WDR27: variants seen among roughly 807,000 people sequenced by gnomAD.
The protein encoded by WDR27 is WD repeat-containing protein 27.
Under a neutral mutation model 114.4 loss-of-function variants are expected in WDR27, and 100 were observed. The observed-to-expected ratio is 0.87, with a 90% CI of 0.74 to 1.03. WDR27 has a LOEUF of 1.03. Ranked by LOEUF, WDR27 falls within the 50% of genes least tolerant of loss-of-function variation. The pLI is 0.00. For missense variants in WDR27, 1,129 were observed against 1,092.9 expected (o/e 1.03, Z -0.47); for synonymous variants, 449 against 423.1 (o/e 1.06, Z -0.75).
At chr6:169,458,211 T>C (rs73789954) in intron 25 of WDR27, among the ~76,000 whole-genome samples, 4,662 of 152,214 alleles carry the variant, frequency 0.031, 214 homozygotes, top group African/African-American at 0.1. Context: ...GACCCCACCC[T>C]CATGCACACC....
At chr6:169,622,377 G>C (rs1813580122) in intron 21 of WDR27, among the ~76,000 whole-genome samples, 1 of 152,002 alleles carries the variant, frequency 6.6e-6, no homozygotes, top group African/African-American at 2.4e-5. Flanking sequence ...ACCTGCCTCA[G>C]ATGTTCAGGG....
At chr6:169,497,826 T>C (rs1356706668) in intron 25 of WDR27, among the ~76,000 whole-genome samples, 2 of 152,154 alleles carry the variant, frequency 1.3e-5, no homozygotes, top group African/African-American at 4.8e-5. Context: ...ACAGCTGCTG[T>C]GGAAAACAGC....
Position 169,690,725 on chromosome 6 carries a change from G to T in WDR27, c.-7-1713C>A, listed in dbSNP as rs541286239. On this transcript the variant is annotated intron_variant, in intron 1 of 25. Coordinates refer to ENST00000448612, the MANE Select transcript of WDR27 (RefSeq NM_182552.5). ...GAGCACTGTAGGGTGCTACTCATCA[G>T]CAGGACCTTCCGCTGCCTGCCTCCC... 3.4e-4 allele frequency among the ~76,000 whole-genome samples: 52 copies of T among 152,350 alleles called. No homozygotes were observed. The South Asian group carries it at 0.01, about 30-fold the overall frequency.
At chr6:169,646,744 T>C (rs1820843127) in intron 16 of WDR27, among the ~76,000 whole-genome samples, 1 of 137,908 alleles carries the variant, frequency 7.3e-6, no homozygotes, top group Admixed American at 8.0e-5. Context: ...TGAGTCTCTG[T>C]CTCAAAAAAA....
intron 25 of WDR27, among the ~76,000 whole-genome samples, chr6:169,536,513 T>TAG (rs1479548344): frequency 6.6e-6 from 1 of 152,214 alleles, no homozygotes; most frequent in Non-Finnish European, 1.5e-5. Flanking sequence ...AAACTGGTCT[T>TAG]ATTCTGACAC....
At chr6:169,427,994 G>A in the WDR27 span, among the ~76,000 whole-genome samples, 1 of 152,134 alleles carries the variant, frequency 6.6e-6, no homozygotes, top group Non-Finnish European at 1.5e-5. Flanking sequence ...AGGGGTCCCG[G>A]AGAAAGCAGA....
At chr6:169,443,942 A>G in the WDR27 span, among the ~76,000 whole-genome samples, 2 of 152,164 alleles carry the variant, frequency 1.3e-5, no homozygotes, top group African/African-American at 4.8e-5. Context: ...CGATTTCATT[A>G]TTTATAAAAG....
chr6:169,582,350 A>G lies in WDR27; in HGVS notation c.2523+486T>C, dbSNP rs148271959. On this transcript the variant is annotated intron_variant, in intron 24 of 25. Coordinates refer to ENST00000448612, the MANE Select transcript of WDR27 (RefSeq NM_182552.5). ...TAGAAGACCATTCATTTTTATATAC[A>G]ATTGATTTGCAACGGTTATTTTCAT... Among the ~76,000 whole-genome samples, 10 of 152,312 alleles carry G rather than the reference A, an allele frequency of 6.6e-5. No individual in the cohort carries two copies. The East Asian group carries it at 1.7e-3, about 27-fold the overall frequency.
At position 169,619,292 on chromosome 6, in the gene WDR27, A is replaced by C. The variant is rs574823697; in HGVS notation, c.2224-5636T>G. ...CAGGAACAAAGCGAGGCACATCTACACAACAATGGCTCTTCACAAGGCCAA... is the reference window on the plus strand; with the variant it reads ...CAGGAACAAAGCGAGGCACATCTACCCAACAATGGCTCTTCACAAGGCCAA... On this transcript the variant is annotated intron_variant, in intron 21 of 25. Transcript: ENST00000448612. Among the ~76,000 whole-genome samples the C allele has an allele frequency of 3.9e-5, 6 of 152,340 alleles. No homozygotes were observed. In the South Asian group the frequency reaches 1.0e-3, roughly 26 times the overall value.
chr6:169,558,314 C>T (rs903597434), intron 25 of WDR27: 1 of 152,068 alleles, frequency 6.6e-6, no homozygotes, highest in African/African-American at 2.4e-5. Flanking sequence ...TTGAACAGGG[C>T]ATGCTCAAGA....
intron 13 of WDR27, among the ~76,000 whole-genome samples, chr6:169,654,124 T>A (rs554446677): frequency 6.6e-6 from 1 of 152,122 alleles, no homozygotes; most frequent in African/African-American, 2.4e-5. Context: ...CTAATGAAAA[T>A]TGATGCAAAA....
Position 169,481,556 on chromosome 6 carries a change from C to T in WDR27, c.2646-23922G>A, listed in dbSNP as rs144237011. Among the ~76,000 whole-genome samples the T allele has an allele frequency of 4.9e-3, 748 of 152,322 alleles. 7 individuals are homozygous for T. The highest frequency in any genetic ancestry group is 0.03 in the East Asian group (153 of 5,174). On this transcript the variant is annotated intron_variant, in intron 25 of 25. Coordinates refer to ENST00000448612, the MANE Select transcript of WDR27 (RefSeq NM_182552.5). ...CGCCTTTATGAGCTGTAGCACTCAC[C>T]GCAAAAGTCTGCAGCTTCACTCCTG...
intron 2 of WDR27, among the ~76,000 whole-genome samples, chr6:169,678,559 T>C (rs942654435): frequency 1.7e-4 from 26 of 152,214 alleles, no homozygotes; most frequent in African/African-American, 6.0e-4. Flanking sequence ...CTTGGGACTT[T>C]TGATTGAGTT....
the WDR27 span, among the ~76,000 whole-genome samples, chr6:169,427,748 G>A: frequency 6.6e-6 from 1 of 151,192 alleles, no homozygotes; most frequent in Non-Finnish European, 1.5e-5. Context: ...GAATGAGACA[G>A]GACAAGGGGC....
chr6:169,644,438 A>C (rs190582331), intron 16 of WDR27, among the ~76,000 whole-genome samples: 35 of 145,018 alleles, frequency 2.4e-4, no homozygotes, highest in Middle Eastern at 3.8e-3. Flanking sequence ...GTCACACTGT[A>C]GAAAAGCCTA....
At position 169,673,316 on chromosome 6, in the gene WDR27, G is replaced by A. The variant is rs1409225578; in HGVS notation, c.190-920C>T. Among the ~76,000 whole-genome samples the A allele has an allele frequency of 3.3e-5, 5 of 151,952 alleles. No individual in the cohort carries two copies. In the East Asian group the frequency reaches 7.7e-4, roughly 23 times the overall value. Reference sequence around the variant, plus strand: ...GTTTAATATGAGAGATATCACTGGAGAATTCCACTTCTAGTAAAGGCAGGA... The same window carrying A: ...GTTTAATATGAGAGATATCACTGGAAAATTCCACTTCTAGTAAAGGCAGGA... On this transcript the variant is annotated intron_variant, in intron 2 of 25. Coordinates refer to ENST00000448612, the MANE Select transcript of WDR27 (RefSeq NM_182552.5).
chr6:169,517,785 C>T (rs561532863), intron 25 of WDR27, among the ~76,000 whole-genome samples: 72 of 152,296 alleles, frequency 4.7e-4, no homozygotes, highest in African/African-American at 1.7e-3. Flanking sequence ...ACCTCATTGC[C>T]TTTTAGACAC....
intron 14 of WDR27, 42 bp from the exon 15 acceptor site, chr6:169,649,317 G>C (rs1194231969): frequency 7.5e-6 from 11 of 1,470,778 alleles, no homozygotes; most frequent in Non-Finnish European, 1.0e-5. Context: ...AATATTAAGA[G>C]GTCTAAGTTT....
chr6:169,629,962 A>G (rs1397058194), intron 21 of WDR27, among the ~76,000 whole-genome samples: 2 of 151,800 alleles, frequency 1.3e-5, no homozygotes, highest in Non-Finnish European at 2.9e-5. Context: ...AAAATTTACA[A>G]CATGAAAGAA....
Sources: gnomAD v4.1 joint callset for allele counts (sites outside exome capture counted in the v4.1 genomes callset) on GRCh38, gnomAD v4.1.1 for gene constraint, MANE v1.5 for transcripts, NCBI Gene and HGNC (gene_info 2026-07-23, HGNC 2026-07-21) for gene names.